Variants in TECTB observed in about 807,000 individuals in gnomAD.
The protein encoded by TECTB is beta-tectorin.
Under a neutral mutation model 43.3 loss-of-function variants are expected in TECTB, and 45 were observed. That is an observed-to-expected ratio of 1.04 (90% CI 0.82 to 1.33). The LOEUF (loss-of-function observed/expected upper bound fraction) is 1.33, where lower values mean the gene tolerates loss of function less well. Ranked by LOEUF, TECTB falls within the 40% of genes most tolerant of loss-of-function variation. The probability of loss-of-function intolerance (pLI) is 0.00; values close to 1 mark genes in which losing one functional copy is unlikely to be tolerated. For missense variants in TECTB, 399 were observed against 404.7 expected, an observed-to-expected ratio of 0.99 and a Z score of 0.12; for synonymous variants, 169 against 156.7, an observed-to-expected ratio of 1.08 and a Z score of -0.59.
In TECTB at chr10:112,284,581, C is replaced by A. The variant is rs1848439027; in HGVS notation, c.123C>A (p.Ile41=). 6.2e-7 allele frequency: 1 copy of A among 1,612,550 alleles called. No homozygotes were observed. Among genetic ancestry groups the A allele is most frequent in the Non-Finnish European group, 8.5e-7 (1 of 1,179,232 alleles). ...FCYPKTIITK[I]PECPYGWEVH... The stretch of plus-strand genomic sequence containing the variant: ...ATCCCAAAACCATCATCACCAAAAT[C>A]CCCGAGTGTCCCTATGGATGGGAAG... The change falls in exon 3 of 11, where the codon ATC becomes ATA. Residue 41 remains isoleucine (I), a synonymous_variant. Transcript: ENST00000646139.
intron 5 of TECTB, 113 bp downstream of exon 5, chr10:112,286,504 T>C: frequency 8.8e-7 from 1 of 1,139,108 alleles, no homozygotes; most frequent in Non-Finnish European, 1.2e-6. Context: ...GCCCCATTCT[T>C]AAATTCAAGT....
Position 112,303,371 on chromosome 10 carries a change from A to C in TECTB, c.*59A>C. The C allele has an allele frequency of 6.3e-7, 1 of 1,599,382 alleles. No individual in the cohort carries two copies. The highest frequency in any genetic ancestry group is 1.1e-5 in the South Asian group (1 of 90,654). On this transcript the variant is annotated 3_prime_UTR_variant, in exon 11 of 11. Transcript: ENST00000646139. ...CAATAGTCCTCAGCGAATGACAAAC[A>C]CATTTATTGTGCTGCCAAAAAGAAC...
chr10:112,285,637 C>T (rs762106345), intron 3 of TECTB, among the ~76,000 whole-genome samples: 6 of 152,154 alleles, frequency 3.9e-5, no homozygotes, highest in Non-Finnish European at 7.3e-5. Context: ...GCGAAAGAGT[C>T]TCAGAAATCG....
At chr10:112,297,663 T>C (rs1180602287) in intron 7 of TECTB, among the ~76,000 whole-genome samples, 2 of 152,166 alleles carry the variant, frequency 1.3e-5, no homozygotes, top group African/African-American at 4.8e-5. Context: ...TGGGTGTGAC[T>C]TGAGCTTAGG....
Position 112,283,761 on chromosome 10 carries a change from G to C in TECTB, c.27G>C (p.Leu9Phe). Residue 9 changes from leucine to phenylalanine, a missense_variant, in exon 2 of 11, where the codon TTG (leucine) becomes TTC (phenylalanine). By Grantham distance (22) the Leu-to-Phe change is conservative. Coordinates refer to ENST00000646139, the MANE Select transcript of TECTB (RefSeq NM_058222.3). Reference sequence around the variant, plus strand: ...TGGTGACGAAGGCCTTTGTCTTGTTGGCCATCTTTGCAGAAGCCTCTGCAA... The same window carrying C: ...TGGTGACGAAGGCCTTTGTCTTGTTCGCCATCTTTGCAGAAGCCTCTGCAA... MVTKAFVL[L>F]AIFAEASAKS... 6.2e-7 allele frequency: 1 copy of C among 1,613,842 alleles called. No individual in the cohort carries two copies. Among genetic ancestry groups the C allele is most frequent in the Non-Finnish European group, 8.5e-7 (1 of 1,179,866 alleles).
chr10:112,294,172 A>AACTC, intron 7 of TECTB, 111 bp downstream of exon 7: 4 of 861,606 alleles, frequency 4.6e-6, no homozygotes, highest in Non-Finnish European at 5.7e-6. Flanking sequence ...TGCTGGAGTT[A>AACTC]CAGCAGTGAC....
intron 10 of TECTB, 91 bp from the exon 11 acceptor site, chr10:112,303,172 T>G: frequency 6.8e-7 from 1 of 1,473,282 alleles, no homozygotes; most frequent in Non-Finnish European, 9.5e-7. Context: ...TGGAATTTTA[T>G]GAAGACCCCT....
rs114813740 is a variant in TECTB at position 112,302,589 on chromosome 10, A to G, written c.940+456A>G. The G allele has an allele frequency of 1.8e-3, 642 of 362,254 alleles. 3 individuals carry two copies. Among genetic ancestry groups the G allele is most frequent in the African/African-American group, 0.012 (593 of 47,960 alleles). 22.4% of individuals were successfully genotyped at this position (362,254 alleles called of 1,614,324 possible). On this transcript the variant is annotated intron_variant, in intron 10 of 10. Coordinates refer to ENST00000646139, the MANE Select transcript of TECTB (RefSeq NM_058222.3). ...TGGGCTAATAATTGCCCCTATCTACATGGCTGTGGTATAGATATTTAATTA... is the reference window on the plus strand; with the variant it reads ...TGGGCTAATAATTGCCCCTATCTACGTGGCTGTGGTATAGATATTTAATTA...
chr10:112,286,002 T>C (rs976382577), intron 3 of TECTB, 69 bp from the exon 4 acceptor site: 2 of 1,591,702 alleles, frequency 1.3e-6, no homozygotes, highest in Non-Finnish European at 1.7e-6. Context: ...CTTCTTGCAC[T>C]TTTCCCAGAA....
At chr10:112,296,459 C>T (rs1191380429) in intron 7 of TECTB, among the ~76,000 whole-genome samples, 1 of 152,128 alleles carries the variant, frequency 6.6e-6, no homozygotes, top group African/African-American at 2.4e-5. Context: ...CAAAGCTCTG[C>T]TTACATTATT....
Position 112,303,070 on chromosome 10 carries a change from AAC to A in TECTB, c.941-192_941-191del, listed in dbSNP as rs1327001595. 1.3e-5 allele frequency: 8 copies of A among 612,346 alleles called. No individual in the cohort carries two copies. The Admixed American group carries it at 1.7e-4, about 13-fold the overall frequency. 37.9% of individuals were successfully genotyped at this position (612,346 alleles called of 1,614,324 possible). ...TGATTTCTATTTGTCAGAGGTCCACAACCTAGGTTTATCTGTCAGGTTCTTTG... is the reference window on the plus strand; with the variant it reads ...TGATTTCTATTTGTCAGAGGTCCACACTAGGTTTATCTGTCAGGTTCTTTG... On this transcript the variant is annotated intron_variant, in intron 10 of 10. Transcript: ENST00000646139.
At chr10:112,294,657 G>T (rs577984815) in intron 7 of TECTB, among the ~76,000 whole-genome samples, 1 of 152,290 alleles carries the variant, frequency 6.6e-6, no homozygotes, top group East Asian at 1.9e-4. Flanking sequence ...GAAAGGCAAT[G>T]CTGGAAGTCA....
intron 7 of TECTB, among the ~76,000 whole-genome samples, chr10:112,295,816 C>A (rs1360674840): frequency 1.3e-5 from 2 of 152,218 alleles, no homozygotes; most frequent in Non-Finnish European, 2.9e-5. Flanking sequence ...GCCGTTGTTC[C>A]CATCTGGCAG....
Position 112,288,378 on chromosome 10 carries a change from C to T in TECTB, c.483+1987C>T, listed in dbSNP as rs993904009. On this transcript the variant is annotated intron_variant, in intron 5 of 10. Transcript: ENST00000646139. Reference sequence around the variant, plus strand: ...TAATAAGAGACATGTCCTCAGCATCCCCCAGGCCATCCTCTGGGCTGGACA... The same window carrying T: ...TAATAAGAGACATGTCCTCAGCATCTCCCAGGCCATCCTCTGGGCTGGACA... Among the ~76,000 whole-genome samples the T allele has an allele frequency of 2.0e-5, 3 of 151,958 alleles. No individual in the cohort carries two copies. The East Asian group carries it at 5.8e-4, about 29-fold the overall frequency.
At chr10:112,302,282 C>A in intron 10 of TECTB, 149 bp downstream of exon 10, 2 of 884,138 alleles carry the variant, frequency 2.3e-6, no homozygotes, top group Non-Finnish European at 3.4e-6. Context: ...GCAGAGGGGG[C>A]GAGATCAAGA....
Position 112,295,633 on chromosome 10 carries a change from C to T in TECTB, c.671+1572C>T, listed in dbSNP as rs144183865. 4.8e-3 allele frequency among the ~76,000 whole-genome samples: 733 copies of T among 152,338 alleles called. 10 individuals are homozygous for T. Among genetic ancestry groups the T allele is most frequent in the African/African-American group, 0.017 (689 of 41,568 alleles). The stretch of plus-strand genomic sequence containing the variant: ...CTGCCATTGAATGATTCAATTCATT[C>T]AGCCTCTGTTAGCAATGGTGCAATC... On this transcript the variant is annotated intron_variant, in intron 7 of 10. Coordinates refer to ENST00000646139, the MANE Select transcript of TECTB (RefSeq NM_058222.3).
rs1223193643 is a variant in TECTB, at chr10:112,298,514, C to T, written c.834+283C>T. Reference sequence around the variant, plus strand: ...AGTGTGTTAAGTAATGATGGCCCTTCCCTCATCAGAGGGCAGTGTAGGTAA... The same window carrying T: ...AGTGTGTTAAGTAATGATGGCCCTTTCCTCATCAGAGGGCAGTGTAGGTAA... On this transcript the variant is annotated intron_variant, in intron 8 of 10. Coordinates refer to ENST00000646139, the MANE Select transcript of TECTB (RefSeq NM_058222.3). 2.0e-5 allele frequency among the ~76,000 whole-genome samples: 3 copies of T among 152,160 alleles called. No individual in the cohort carries two copies. In the East Asian group the frequency reaches 5.8e-4, roughly 29 times the overall value.
At chr10:112,301,107 A>G (rs2133359267) in intron 9 of TECTB, among the ~76,000 whole-genome samples, 1 of 152,332 alleles carries the variant, frequency 6.6e-6, no homozygotes, top group East Asian at 1.9e-4. Flanking sequence ...AAACAACAAT[A>G]TTTCGTGACA....
chr10:112,299,359 G>C (rs1281789612), intron 8 of TECTB, 133 bp from the exon 9 acceptor site: 3 of 769,360 alleles, frequency 3.9e-6, no homozygotes, highest in Admixed American at 5.0e-5. Flanking sequence ...ACTCATCTCT[G>C]TTGACTGGGG....
Sources: gnomAD v4.1 joint callset for allele counts (sites outside exome capture counted in the v4.1 genomes callset) on GRCh38, gnomAD v4.1.1 for gene constraint, MANE v1.5 for transcripts, NCBI Gene and HGNC (gene_info 2026-07-23, HGNC 2026-07-21) for gene names.